Variants in SERINC2 observed in about 807,000 individuals in gnomAD.
SERINC2 encodes the protein tumor differentially expressed protein 2.
SERINC2 carries 56 observed loss-of-function variants against 54.2 expected under a neutral mutation model. The ratio of observed to expected loss-of-function variants is 1.03; its 90% CI spans 0.83 to 1.29. The LOEUF is 1.29. Ranked by LOEUF, SERINC2 falls within the 50% of genes most tolerant of loss-of-function variation. SERINC2 has a pLI of 0.00. For missense variants in SERINC2, 614 were observed against 607.4 expected (o/e 1.01, Z -0.12); for synonymous variants, 272 against 253.1 (o/e 1.07, Z -0.71).
chr1:31,423,600 G>A lies in SERINC2; in HGVS notation c.40-93G>A, dbSNP rs190543950. The A allele has an allele frequency of 8.7e-5, 116 of 1,332,922 alleles. No homozygotes were observed. The East Asian group carries it at 2.2e-3, about 25-fold the overall frequency. The allele number at this position is 1,332,922 out of a possible 1,614,324, so 82.6% of individuals were successfully genotyped here. On this transcript the variant is annotated intron_variant, in intron 1 of 9. Coordinates refer to ENST00000373709, the MANE Select transcript of SERINC2 (RefSeq NM_178865.5). ...GGGGAACAGTGTGCTCCTGCCTAGC[G>A]CAGCACAGATGCGCCGACCTCTGGG...
chr1:31,410,800 C>T (rs1553131380), upstream of SERINC2, among the ~76,000 whole-genome samples: 2 of 152,120 alleles, frequency 1.3e-5, no homozygotes, highest in African/African-American at 2.4e-5. Context: ...TCCTCTTGGT[C>T]TTGGGTGCTT....
intron 8 of SERINC2, among the ~76,000 whole-genome samples, chr1:31,431,814 C>CAGGGTGGACAGGGTGGACAGGGTGGAT: frequency 2.9e-5 from 1 of 34,100 alleles, no homozygotes; most frequent in South Asian, 7.5e-4. Flanking sequence ...ACAGGGTGGA[C>CAGGGTGGACAGGGTGGACAGGGTGGAT]AGGGTGGATA....
chr1:31,410,940 G>C (rs189460069), upstream of SERINC2, among the ~76,000 whole-genome samples: 5 of 152,170 alleles, frequency 3.3e-5, no homozygotes, highest in Non-Finnish European at 7.3e-5. Flanking sequence ...CTGCTTGGTG[G>C]CATTTCAGTC....
At chr1:31,430,794 G>T (rs1283260479) in intron 8 of SERINC2, among the ~76,000 whole-genome samples, 3 of 152,122 alleles carry the variant, frequency 2.0e-5, no homozygotes, top group Non-Finnish European at 2.9e-5. Context: ...CCCTGAGTTT[G>T]CCTCCCTGTG....
intron 8 of SERINC2, among the ~76,000 whole-genome samples, chr1:31,432,085 AGGGTGGACAGGG>A (rs1641281211): frequency 8.5e-6 from 1 of 117,262 alleles, no homozygotes; most frequent in Non-Finnish European, 1.7e-5. Flanking sequence ...CAGGGTGGTT[AGGGTGGACAGGG>A]TGGACAGGGT....
chr1:31,426,901 G>A, intron 6 of SERINC2, 78 bp downstream of exon 6: 1 of 1,359,976 alleles, frequency 7.4e-7, no homozygotes, highest in Non-Finnish European at 1.0e-6. Flanking sequence ...CTGGGTCCTG[G>A]GGCTAGGGCT....
At position 31,433,084 on chromosome 1, in the gene SERINC2, T is replaced by C; in HGVS notation, c.1131T>C (p.Phe377=). ...QQVAACEGRA[F]DNEQDGVTYS... ...TGGCAGCCTGTGAGGGCCGGGCCTT[T>C]GACAACGAGCAGGACGGCGTCACCT... Residue 377 remains phenylalanine, a synonymous_variant, in exon 9 of 10, where the codon TTT becomes TTC. Coordinates refer to ENST00000373709, the MANE Select transcript of SERINC2 (RefSeq NM_178865.5). 2 of 1,613,568 alleles carry C rather than the reference T, an allele frequency of 1.2e-6. No individual in the cohort carries two copies. The highest frequency in any genetic ancestry group is 1.7e-6 in the Non-Finnish European group (2 of 1,180,010).
In SERINC2 at chr1:31,433,978, G is replaced by A. The variant is rs759616299; in HGVS notation, c.1233-86G>A. On this transcript the variant is annotated intron_variant, in intron 9 of 9. Transcript: ENST00000373709. ...GGTAAGAGCCAGAGTTGAAGTCAGG[G>A]GTCATAACTGGGACATAAGGCCAGG... 5 of 1,385,902 alleles carry A rather than the reference G, an allele frequency of 3.6e-6. No individual in the cohort carries two copies. The South Asian group carries it at 6.4e-5, about 18-fold the overall frequency. 85.9% of individuals were successfully genotyped at this position (1,385,902 alleles called of 1,614,324 possible). A position where few individuals can be genotyped will look rare whatever the true frequency, so the allele number is the denominator to read the frequency against.
At chr1:31,427,511 G>A (rs1392579180) in intron 6 of SERINC2, among the ~76,000 whole-genome samples, 1 of 152,192 alleles carries the variant, frequency 6.6e-6, no homozygotes, top group Non-Finnish European at 1.5e-5. Flanking sequence ...AGAAGGCGAT[G>A]TCTGTGTCCC....
At chr1:31,412,381 G>A (rs548773100), upstream of SERINC2, among the ~76,000 whole-genome samples, 75 of 152,304 alleles carry the variant, frequency 4.9e-4, no homozygotes, top group African/African-American at 1.8e-3. Flanking sequence ...TCCCTAGGGA[G>A]TGATAAGCCA....
At chr1:31,432,174 T>G (rs147932184) in intron 8 of SERINC2, among the ~76,000 whole-genome samples, 302 of 24,312 alleles carry the variant, frequency 0.012, 4 homozygotes, top group Non-Finnish European at 0.029. Context: ...ATAGGGTGGA[T>G]AGGGTGGATA....
At chr1:31,432,195 A>AGAGG (rs1641312966) in intron 8 of SERINC2, among the ~76,000 whole-genome samples, 2 of 25,152 alleles carry the variant, frequency 8.0e-5, no homozygotes, top group African/African-American at 2.2e-4. Flanking sequence ...GGGTGGTTAG[A>AGAGG]GTGGAGAGAG....
In SERINC2 at chr1:31,434,401, A is replaced by C; in HGVS notation, c.*202A>C. On this transcript the variant is annotated 3_prime_UTR_variant, in exon 10 of 10. Coordinates refer to ENST00000373709, the MANE Select transcript of SERINC2 (RefSeq NM_178865.5). ...GAGCATCAGGCTCCTGCAGAGCCCC[A>C]TCCCCCCGCCACACCCACACGGTGG... 1.7e-6 allele frequency: 1 copy of C among 579,136 alleles called. No individual in the cohort carries two copies. Among genetic ancestry groups the C allele is most frequent in the South Asian group, 2.1e-5 (1 of 46,692 alleles). The allele number at this position is 579,136 out of a possible 1,614,324, so 35.9% of individuals were successfully genotyped here. A position where few individuals can be genotyped will look rare whatever the true frequency, so the allele number is the denominator to read the frequency against.
chr1:31,432,048 C>CAGGGTGGAT (rs1641268657), intron 8 of SERINC2, among the ~76,000 whole-genome samples: 2 of 17,470 alleles, frequency 1.1e-4, no homozygotes, highest in Non-Finnish European at 2.2e-4. Flanking sequence ...ACAGGGTGGA[C>CAGGGTGGAT]AGGGTGGACA....
At chr1:31,410,316 G>A (rs1553131317), upstream of SERINC2, 2 of 1,541,384 alleles carry the variant, frequency 1.3e-6, no homozygotes, top group Non-Finnish European at 1.7e-6. Flanking sequence ...CTTTATCCAT[G>A]TCCTCACTTC....
In SERINC2 at chr1:31,423,820, T is replaced by C. The variant is rs781890350; in HGVS notation, c.167T>C (p.Met56Thr). 6.2e-7 allele frequency: 1 copy of C among 1,614,062 alleles called. No individual in the cohort carries two copies. The highest frequency in any genetic ancestry group is 8.5e-7 in the Non-Finnish European group (1 of 1,180,020). ...LFLGVLVSII[M>T]LSPGVESQLY... ...CTGGGGGTGCTGGTGTCCATCATTATGCTGAGCCCGGGCGTGGAGAGTCAG... is the reference window on the plus strand; with the variant it reads ...CTGGGGGTGCTGGTGTCCATCATTACGCTGAGCCCGGGCGTGGAGAGTCAG... Residue 56 changes from methionine to threonine, a missense_variant, in exon 2 of 10, where the codon ATG (methionine) becomes ACG (threonine). Coordinates refer to ENST00000373709, the MANE Select transcript of SERINC2 (RefSeq NM_178865.5).
chr1:31,413,760 T>TGGCCGCCTGCCA lies in SERINC2; in HGVS notation c.39+458_39+469dup. The TGGCCGCCTGCCA allele has an allele frequency of 7.2e-7, 1 of 1,379,400 alleles. No individual in the cohort carries two copies. The highest frequency in any genetic ancestry group is 9.3e-7 in the Non-Finnish European group (1 of 1,073,458). The allele number at this position is 1,379,400 out of a possible 1,614,324, so 85.4% of individuals were successfully genotyped here. On this transcript the variant is annotated intron_variant, in intron 1 of 9. Transcript: ENST00000373709. This position sits in a 1 kb window ranked among gnomAD's most constrained non-coding sequence, Gnocchi z 5.0. ...TGGCGAGTGCCCTGCCCTACCCCTCTGGCCGCCTGCCAGTCCGCCTGTTCC... is the reference window on the plus strand; with the variant it reads ...TGGCGAGTGCCCTGCCCTACCCCTCTGGCCGCCTGCCAGGCCGCCTGCCAGTCCGCCTGTTCC...
chr1:31,426,869 G>A (rs1553133762), intron 6 of SERINC2, 46 bp downstream of exon 6: 2 of 1,562,964 alleles, frequency 1.3e-6, no homozygotes, highest in African/African-American at 2.7e-5. Flanking sequence ...GCCCCTTAGT[G>A]GGTGGGACTT....
intron 9 of SERINC2, among the ~76,000 whole-genome samples, 160 bp from the exon 10 acceptor site, chr1:31,433,904 G>C (rs560132653): frequency 6.6e-6 from 1 of 152,248 alleles, no homozygotes; most frequent in Admixed American, 6.5e-5. Flanking sequence ...CTATGTCCAC[G>C]GTCACAAGGC....
Sources: gnomAD v4.1 joint callset for allele counts (sites outside exome capture counted in the v4.1 genomes callset) on GRCh38, gnomAD v4.1.1 for gene constraint, Gnocchi (gnomAD v3.1) non-coding constraint, MANE v1.5 for transcripts, NCBI Gene and HGNC (gene_info 2026-07-23, HGNC 2026-07-21) for gene names.